Variants in PGM5 observed in about 807,000 individuals in gnomAD.
The protein encoded by PGM5 is phosphoglucomutase-like protein 5.
Under a neutral mutation model 59.2 loss-of-function variants are expected in PGM5, and 23 were observed. The observed-to-expected ratio is 0.39, with a 90% confidence interval of 0.28 to 0.55. PGM5 has a LOEUF of 0.55. Among genes scored for constraint, PGM5 ranks in the 20% least tolerant of loss-of-function variants. The pLI, the probability that PGM5 is intolerant of heterozygous loss-of-function variation, is 0.66. For missense variants in PGM5, 574 were observed against 748.3 expected (o/e 0.77, Z 2.72); for synonymous variants, 214 against 286.0 (o/e 0.75, Z 2.54).
In PGM5 at chr9:68,483,984, G is replaced by A. The variant is rs150283095; in HGVS notation, c.1415G>A (p.Ser472Asn). The A allele has an allele frequency of 3.2e-5, 52 of 1,613,978 alleles. No individual in the cohort carries two copies. The highest frequency in any genetic ancestry group is 7.6e-6 in the Non-Finnish European group (9 of 1,179,992). The change falls in exon 9 of 11, where the codon AGC becomes AAC. Residue 472 changes from serine to asparagine, a missense_variant. Physicochemically the swap from Ser to Asn is conservative, Grantham distance 46. Transcript: ENST00000396396. The stretch of plus-strand genomic sequence containing the variant: ...TTTGCTGTGGGGAGCCATGTCTACA[G>A]CGTGGCGAAGACGGATAGTTTTGAA... ...QQFAVGSHVY[S>N]VAKTDSFEYV...
At chr9:68,402,233 C>T (rs1382279363) in intron 6 of PGM5, among the ~76,000 whole-genome samples, 1 of 152,206 alleles carries the variant, frequency 6.6e-6, no homozygotes, top group Non-Finnish European at 1.5e-5. Context: ...CACTGCACTC[C>T]AGCCTGGGTG....
chr9:68,485,233 C>T (rs1824275689), intron 9 of PGM5, among the ~76,000 whole-genome samples: 1 of 152,176 alleles, frequency 6.6e-6, no homozygotes, highest in Non-Finnish European at 1.5e-5. Flanking sequence ...GCAACTGTAT[C>T]TCAAGTTCAT....
chr9:68,504,849 A>G (rs1324026336), intron 10 of PGM5, among the ~76,000 whole-genome samples: 1 of 152,190 alleles, frequency 6.6e-6, no homozygotes, highest in East Asian at 1.9e-4. Context: ...AGTTTTGCCA[A>G]ATTATTGCAA....
intron 6 of PGM5, among the ~76,000 whole-genome samples, chr9:68,433,559 C>T (rs1823391652): frequency 6.6e-6 from 1 of 152,206 alleles, no homozygotes; most frequent in African/African-American, 2.4e-5. Flanking sequence ...CACCACTGAG[C>T]AAACTCTCAT....
chr9:68,404,103 G>A (rs1440290300), intron 6 of PGM5, among the ~76,000 whole-genome samples: 3 of 152,202 alleles, frequency 2.0e-5, no homozygotes, highest in South Asian at 4.1e-4. Flanking sequence ...GGTTAAGCAG[G>A]TATGATTCCT....
chr9:68,410,652 G>T (rs1443802162), intron 6 of PGM5, among the ~76,000 whole-genome samples: 1 of 152,048 alleles, frequency 6.6e-6, no homozygotes, highest in African/African-American at 2.4e-5. Flanking sequence ...AATAAGAAAA[G>T]TATTTTTCCC....
chr9:68,496,099 G>A (rs1824478471), intron 9 of PGM5, among the ~76,000 whole-genome samples: 1 of 152,160 alleles, frequency 6.6e-6, no homozygotes. Context: ...GCTACATAGT[G>A]CCAACCCCTA....
intron 2 of PGM5, among the ~76,000 whole-genome samples, chr9:68,382,061 C>T (rs1822092494): frequency 1.3e-5 from 2 of 150,884 alleles, no homozygotes; most frequent in Non-Finnish European, 1.5e-5. Context: ...CCCCCAAAAA[C>T]CAAAGCAATG....
intron 3 of PGM5, 120 bp downstream of exon 3, chr9:68,384,664 A>G: frequency 1.6e-6 from 1 of 644,290 alleles, no homozygotes. Flanking sequence ...TGACTCGATA[A>G]ATGTGTGTAA....
chr9:68,499,950 C>G (rs1824544900), intron 10 of PGM5, among the ~76,000 whole-genome samples: 1 of 152,172 alleles, frequency 6.6e-6, no homozygotes, highest in Non-Finnish European at 1.5e-5. Context: ...AATAACACAA[C>G]CATAAGCCTC....
At chr9:68,468,021 C>T (rs781833022) in intron 7 of PGM5, among the ~76,000 whole-genome samples, 1 of 149,498 alleles carries the variant, frequency 6.7e-6, no homozygotes, top group Non-Finnish European at 1.5e-5. Context: ...CCCACCCTCC[C>T]TTCCTTCCTT....
chr9:68,477,526 A>G (rs1554686777), intron 7 of PGM5, among the ~76,000 whole-genome samples: 1 of 152,172 alleles, frequency 6.6e-6, no homozygotes, highest in Admixed American at 6.5e-5. Context: ...ACCCAAGAAT[A>G]CTGTTGTCCA....
At chr9:68,488,050 C>A (rs980366851) in intron 9 of PGM5, among the ~76,000 whole-genome samples, 13 of 152,012 alleles carry the variant, frequency 8.6e-5, no homozygotes, top group Non-Finnish European at 1.8e-4. Flanking sequence ...CAAATGATAA[C>A]AATTGGTTAA....
At chr9:68,421,481 G>A (rs1823128195) in intron 6 of PGM5, among the ~76,000 whole-genome samples, 1 of 152,136 alleles carries the variant, frequency 6.6e-6, no homozygotes, top group Non-Finnish European at 1.5e-5. Context: ...ATTTGGGGAG[G>A]CTGAGGGAGG....
At chr9:68,480,467 G>C (rs1214793922) in intron 8 of PGM5, among the ~76,000 whole-genome samples, 3 of 152,196 alleles carry the variant, frequency 2.0e-5, no homozygotes, top group Non-Finnish European at 2.9e-5. Context: ...CACTTTGGGA[G>C]GCCGAGGCAG....
intron 1 of PGM5, among the ~76,000 whole-genome samples, chr9:68,358,842 G>A (rs1238800715): frequency 2.6e-5 from 4 of 152,076 alleles, no homozygotes; most frequent in African/African-American, 9.7e-5. Flanking sequence ...GACTCCAGTA[G>A]ACAATGATGC....
intron 6 of PGM5, among the ~76,000 whole-genome samples, chr9:68,416,302 T>C (rs1554681974): frequency 6.6e-6 from 1 of 152,202 alleles, no homozygotes; most frequent in African/African-American, 2.4e-5. Context: ...CATGATGATG[T>C]TGGTGTATAA....
At chr9:68,441,553 GACAAAA>G (rs1405434260) in intron 6 of PGM5, among the ~76,000 whole-genome samples, 1 of 152,080 alleles carries the variant, frequency 6.6e-6, no homozygotes, top group Non-Finnish European at 1.5e-5. Flanking sequence ...AAGATCATTT[GACAAAA>G]TTTCAACATC....
intron 6 of PGM5, chr9:68,396,286 A>G (rs1232967319): frequency 1.3e-5 from 2 of 152,206 alleles, no homozygotes; most frequent in Non-Finnish European, 2.9e-5. Flanking sequence ...TTGACTCAGG[A>G]TTTGAAACTA....
Sources: gnomAD v4.1 joint callset for allele counts (sites outside exome capture counted in the v4.1 genomes callset) on GRCh38, gnomAD v4.1.1 for gene constraint, MANE v1.5 for transcripts, NCBI Gene and HGNC (gene_info 2026-07-23, HGNC 2026-07-21) for gene names.